Variants in RARS2 observed in about 807,000 individuals in gnomAD.
RARS2 encodes the protein probable arginine--tRNA ligase, mitochondrial.
In RARS2, 67 loss-of-function variants were observed where a neutral mutation model predicts 88.5. The observed-to-expected ratio is 0.76, with a 90% CI of 0.62 to 0.93. The LOEUF is 0.93. Ranked by LOEUF, RARS2 falls within the 40% of genes least tolerant of loss-of-function variation. The pLI, the probability that RARS2 is intolerant of heterozygous loss-of-function variation, is 0.00. For missense variants in RARS2, 664 were observed against 684.2 expected, an observed-to-expected ratio of 0.97 and a Z score of 0.33; for synonymous variants, 239 against 230.3, an observed-to-expected ratio of 1.04 and a Z score of -0.34.
At chr6:87,540,004 T>C (rs1262597015) in intron 8 of RARS2, among the ~76,000 whole-genome samples, 1 of 152,162 alleles carries the variant, frequency 6.6e-6, no homozygotes, top group African/African-American at 2.4e-5. Flanking sequence ...TGAAGAATTA[T>C]TAATTTTTAT....
chr6:87,579,258 A>C (rs1264619420), intron 1 of RARS2, among the ~76,000 whole-genome samples: 3 of 152,078 alleles, frequency 2.0e-5, no homozygotes, highest in Non-Finnish European at 4.4e-5. Context: ...CTTCAGGAAA[A>C]CCCGCCTGGC....
At chr6:87,539,447 T>A (rs1159335027) in intron 8 of RARS2, among the ~76,000 whole-genome samples, 3 of 152,264 alleles carry the variant, frequency 2.0e-5, no homozygotes, top group Non-Finnish European at 4.4e-5. Context: ...AGCCTAAATA[T>A]CTGCCTTGGC....
At chr6:87,587,360 C>A (rs966057888) in intron 1 of RARS2, among the ~76,000 whole-genome samples, 3 of 152,102 alleles carry the variant, frequency 2.0e-5, no homozygotes, top group Admixed American at 1.3e-4. Context: ...TTTCTTTGCT[C>A]TTTTTTCCCC....
At chr6:87,553,228 T>A (rs997137289) in intron 5 of RARS2, among the ~76,000 whole-genome samples, 10 of 151,644 alleles carry the variant, frequency 6.6e-5, no homozygotes, top group African/African-American at 2.4e-4. Context: ...GAGAGAGAGA[T>A]GCCTGGCTAG....
In RARS2 at chr6:87,562,775, T is replaced by C. The variant is rs371968758; in HGVS notation, c.224A>G (p.Asp75Gly). The stretch of plus-strand genomic sequence containing the variant: ...AGTACTGATTTCACTCACCACTGTA[T>C]CACATCTTAGCTGAAAAGAACAAAT... ...AKRLAEKLRCDTVVSEISTGQ... is the reference protein window; with the variant it reads ...AKRLAEKLRCGTVVSEISTGQ... The change falls in exon 4 of 20, where the codon GAT becomes GGT. Residue 75 changes from aspartate (D) to glycine (G), a missense_variant. Physicochemically the swap from Asp to Gly is moderately conservative, Grantham distance 94. Transcript: ENST00000369536. 2.7e-5 allele frequency: 43 copies of C among 1,612,884 alleles called. No homozygotes were observed. Among genetic ancestry groups the C allele is most frequent in the Non-Finnish European group, 3.5e-5 (41 of 1,179,012 alleles).
chr6:87,517,030 G>A (rs899528703), intron 17 of RARS2, 150 bp from the exon 18 acceptor site: 2 of 1,248,242 alleles, frequency 1.6e-6, no homozygotes, highest in Admixed American at 2.1e-5. Context: ...TGTAATCCCA[G>A]CACTTTGGGA....
chr6:87,528,760 A>G lies in RARS2; in HGVS notation c.878+782T>C, dbSNP rs531794600. 6.0e-4 allele frequency among the ~76,000 whole-genome samples: 91 copies of G among 152,310 alleles called. 2 individuals are homozygous for G. Among genetic ancestry groups the G allele is most frequent in the Admixed American group, 5.8e-3 (89 of 15,300 alleles). On this transcript the variant is annotated intron_variant, in intron 10 of 19. Transcript: ENST00000369536. ...GGGGAGATGTTGGTTAAAGGCTACA[A>G]AGTTTTAGGTAAACAGGAGGAGTAA...
Position 87,515,014 on chromosome 6 carries a change from A to G in RARS2, c.1593T>C (p.Leu531=). 1 of 1,612,518 alleles carries G rather than the reference A, an allele frequency of 6.2e-7. No individual in the cohort carries two copies. Among genetic ancestry groups the G allele is most frequent in the Non-Finnish European group, 8.5e-7 (1 of 1,178,484 alleles). ...IVSYLLTLSH[L]AAVAHKTLQI... is the part of the protein sequence containing the mutation. ...GTAGTGTTTTGTGTGCCACAGCTGCAAGATGACTGAAACAGGAAGAGAGAA... is the reference window on the plus strand; with the variant it reads ...GTAGTGTTTTGTGTGCCACAGCTGCGAGATGACTGAAACAGGAAGAGAGAA... The change falls in exon 19 of 20, where the codon CTT becomes CTC. Residue 531 remains leucine, a synonymous_variant. Coordinates refer to ENST00000369536, the MANE Select transcript of RARS2 (RefSeq NM_020320.5).
At chr6:87,522,069 G>T (rs1774048974) in intron 11 of RARS2, among the ~76,000 whole-genome samples, 1 of 152,146 alleles carries the variant, frequency 6.6e-6, no homozygotes, top group Admixed American at 6.5e-5. Context: ...GGCGGCTCAC[G>T]CCTGTAATCC....
At chr6:87,516,993 G>T (rs371574561) in intron 17 of RARS2, 113 bp from the exon 18 acceptor site, 1 of 1,482,130 alleles carries the variant, frequency 6.7e-7, no homozygotes, top group Non-Finnish European at 9.1e-7. Flanking sequence ...AGAGTAGAAG[G>T]TATGGCCAGG....
At chr6:87,542,207 C>A (rs368619416) in intron 7 of RARS2, among the ~76,000 whole-genome samples, 2 of 152,102 alleles carry the variant, frequency 1.3e-5, no homozygotes, top group Non-Finnish European at 2.9e-5. Context: ...CTGAATAGAT[C>A]ACTGAAATTA....
At chr6:87,585,364 G>A (rs1394860346) in intron 1 of RARS2, among the ~76,000 whole-genome samples, 2 of 152,150 alleles carry the variant, frequency 1.3e-5, no homozygotes, top group Non-Finnish European at 2.9e-5. Context: ...TCTTATTATT[G>A]TCATCATAGA....
chr6:87,554,418 T>C (rs1785183887), intron 5 of RARS2, among the ~76,000 whole-genome samples: 1 of 152,216 alleles, frequency 6.6e-6, no homozygotes, highest in Non-Finnish European at 1.5e-5. Flanking sequence ...ATACATTTAT[T>C]ACAAATACTA....
At chr6:87,528,284 A>G (rs967259804) in intron 10 of RARS2, among the ~76,000 whole-genome samples, 3 of 151,974 alleles carry the variant, frequency 2.0e-5, no homozygotes, top group Non-Finnish European at 2.9e-5. Flanking sequence ...AATGATGTGG[A>G]TAAAAGGGAA....
intron 13 of RARS2, 25 bp downstream of exon 13, chr6:87,520,155 C>T (rs993326248): frequency 1.3e-6 from 2 of 1,590,496 alleles, no homozygotes; most frequent in Admixed American, 3.3e-5. Flanking sequence ...CCTGCACAGA[C>T]AATTAAGAAC....
At chr6:87,545,348 T>C (rs1475654228) in intron 7 of RARS2, among the ~76,000 whole-genome samples, 2 of 152,172 alleles carry the variant, frequency 1.3e-5, no homozygotes, top group Non-Finnish European at 2.9e-5. Context: ...CCTCCCAAAG[T>C]GTTGGCATTA....
chr6:87,573,850 C>T (rs925312911), intron 1 of RARS2, among the ~76,000 whole-genome samples: 1 of 152,148 alleles, frequency 6.6e-6, no homozygotes, highest in Admixed American at 6.6e-5. Flanking sequence ...GCAGCAAATA[C>T]ACAAGACAGA....
intron 4 of RARS2, among the ~76,000 whole-genome samples, chr6:87,559,463 C>CA (rs753856335): frequency 0.019 from 1,724 of 93,074 alleles, 73 homozygotes; most frequent in African/African-American, 0.034. Flanking sequence ...AACTCTGTCT[C>CA]AAAAAAAAAA....
chr6:87,547,291 C>G (rs1488211322), intron 6 of RARS2, among the ~76,000 whole-genome samples: 2 of 152,174 alleles, frequency 1.3e-5, no homozygotes, highest in African/African-American at 4.8e-5. Flanking sequence ...ACTTTTTCAT[C>G]AAGTCCTGTC....
Sources: gnomAD v4.1 joint callset for allele counts (sites outside exome capture counted in the v4.1 genomes callset) on GRCh38, gnomAD v4.1.1 for gene constraint, MANE v1.5 for transcripts, NCBI Gene and HGNC (gene_info 2026-07-23, HGNC 2026-07-21) for gene names.